The following CAMKMT variants were observed in gnomAD, a reference collection of about 807,000 sequenced individuals.
CAMKMT encodes calmodulin-lysine N-methyltransferase, also known as CaM KMT.
CAMKMT carries 53 observed loss-of-function variants against 48.0 expected under a neutral mutation model. The observed-to-expected ratio is 1.10, with a 90% CI of 0.89 to 1.39. CAMKMT has a LOEUF of 1.39. Ranked by LOEUF, CAMKMT falls within the 40% of genes most tolerant of loss-of-function variation. The probability of loss-of-function intolerance (pLI) is 0.00; values close to 1 mark genes in which losing one functional copy is unlikely to be tolerated. For synonymous variants in CAMKMT, 165 were observed against 152.3 expected (o/e 1.08, Z -0.61); for missense variants, 428 against 402.7 (o/e 1.06, Z -0.54).
At chr2:44,672,932 T>C (rs1675417653) in intron 3 of CAMKMT, among the ~76,000 whole-genome samples, 1 of 152,190 alleles carries the variant, frequency 6.6e-6, no homozygotes, top group African/African-American at 2.4e-5. Flanking sequence ...TAACTACTAA[T>C]CAAAATAAGT....
At chr2:44,646,210 C>T (rs1304687150) in intron 3 of CAMKMT, among the ~76,000 whole-genome samples, 1 of 152,122 alleles carries the variant, frequency 6.6e-6, no homozygotes, top group Non-Finnish European at 1.5e-5. Flanking sequence ...AAGCTATTAA[C>T]AGTTTAGCAT....
intron 3 of CAMKMT, among the ~76,000 whole-genome samples, chr2:44,442,628 G>A (rs1036900327): frequency 6.6e-6 from 1 of 152,094 alleles, no homozygotes; most frequent in Non-Finnish European, 1.5e-5. Context: ...TTAATTCTCT[G>A]ACCGACTTCT....
chr2:44,728,231 G>T (rs1678894264), intron 7 of CAMKMT, among the ~76,000 whole-genome samples: 1 of 152,064 alleles, frequency 6.6e-6, no homozygotes, highest in African/African-American at 2.4e-5. Flanking sequence ...TGGCTGTTTT[G>T]TGTATGTTGC....
intron 3 of CAMKMT, among the ~76,000 whole-genome samples, chr2:44,551,963 G>T (rs1245078926): frequency 6.6e-6 from 1 of 152,110 alleles, no homozygotes; most frequent in East Asian, 1.9e-4. Context: ...TGTAATATGG[G>T]TTTCTAACAT....
In CAMKMT at chr2:44,482,973, C is replaced by T. The variant is rs1669045531; in HGVS notation, c.376+92668C>T. ...AAAGTCAACATTTCTTATAAAGGCACCATCTGTATTACAAAGAATCATGAT... is the reference window on the plus strand; with the variant it reads ...AAAGTCAACATTTCTTATAAAGGCATCATCTGTATTACAAAGAATCATGAT... On this transcript the variant is annotated intron_variant, in intron 3 of 10. Coordinates refer to ENST00000378494, the MANE Select transcript of CAMKMT (RefSeq NM_024766.5). Among the ~76,000 whole-genome samples the T allele has an allele frequency of 2.6e-5, 4 of 152,206 alleles. No individual in the cohort carries two copies. In the South Asian group the frequency reaches 8.3e-4, roughly 32 times the overall value.
At chr2:44,652,705 G>C (rs761976516) in intron 3 of CAMKMT, among the ~76,000 whole-genome samples, 1 of 152,216 alleles carries the variant, frequency 6.6e-6, no homozygotes, top group Non-Finnish European at 1.5e-5. Flanking sequence ...TCCTTTAAGA[G>C]AAAAGGCGGG....
intron 3 of CAMKMT, among the ~76,000 whole-genome samples, chr2:44,518,217 A>T (rs1670929875): frequency 6.6e-6 from 1 of 152,192 alleles, no homozygotes; most frequent in South Asian, 2.1e-4. Context: ...CAAAAATACA[A>T]GTCTTGTCTC....
Position 44,754,107 on chromosome 2 carries a change from C to G in CAMKMT, c.751C>G (p.Leu251Val), listed in dbSNP as rs1207869773. The G allele has an allele frequency of 6.2e-7, 1 of 1,613,394 alleles. No individual in the cohort carries two copies. Among genetic ancestry groups the G allele is most frequent in the South Asian group, 1.1e-5 (1 of 91,080 alleles). Residue 251 changes from leucine to valine, a missense_variant, in exon 9 of 11, where the codon CTC becomes GTC. Physicochemically the swap from Leu to Val is conservative, Grantham distance 32 (BLOSUM62 1). Transcript: ENST00000378494. ...CCTTGTTGATGCAATAAAGAGATTA[C>G]TCCAGCCCAGGGTAAGTATGTTTCT... ...ASLVDAIKRLLQPRGKAMVFA... is the reference protein window; with the variant it reads ...ASLVDAIKRLVQPRGKAMVFA...
chr2:44,415,127 G>C (rs1683465451), intron 3 of CAMKMT, among the ~76,000 whole-genome samples: 1 of 152,166 alleles, frequency 6.6e-6, no homozygotes, highest in Admixed American at 6.5e-5. Flanking sequence ...CTCCAGCCTG[G>C]TGATAGAGTG....
At chr2:44,670,974 T>G (rs991194986) in intron 3 of CAMKMT, among the ~76,000 whole-genome samples, 10 of 152,192 alleles carry the variant, frequency 6.6e-5, no homozygotes, top group Non-Finnish European at 1.2e-4. Flanking sequence ...ATTGACTTTT[T>G]ACCAGGCCTT....
chr2:44,400,403 A>G (rs1396059086), intron 3 of CAMKMT, among the ~76,000 whole-genome samples: 1 of 152,132 alleles, frequency 6.6e-6, no homozygotes, highest in Non-Finnish European at 1.5e-5. Flanking sequence ...GGTAATTATT[A>G]TATGGAATGA....
chr2:44,585,645 A>T (rs1252533183), intron 3 of CAMKMT, among the ~76,000 whole-genome samples: 5 of 152,236 alleles, frequency 3.3e-5, no homozygotes, highest in Non-Finnish European at 7.3e-5. Context: ...TATAGATTAA[A>T]TGAAATGATC....
chr2:44,769,646 T>TG (rs1681018832), intron 10 of CAMKMT, among the ~76,000 whole-genome samples: 1 of 151,376 alleles, frequency 6.6e-6, no homozygotes, highest in African/African-American at 2.5e-5. Context: ...TTACATGCCG[T>TG]GGGTTTTTTT....
chr2:44,743,345 AAAGAT>A (rs1679783779), intron 7 of CAMKMT, among the ~76,000 whole-genome samples: 1 of 152,206 alleles, frequency 6.6e-6, no homozygotes, highest in South Asian at 2.1e-4. Flanking sequence ...TGACTACGGT[AAAGAT>A]AAGATATTTT....
At chr2:44,440,700 A>G (rs974785081) in intron 3 of CAMKMT, among the ~76,000 whole-genome samples, 3 of 152,182 alleles carry the variant, frequency 2.0e-5, no homozygotes, top group East Asian at 3.8e-4. Flanking sequence ...GAGTATTTCT[A>G]TCAGAAAGAT....
intron 3 of CAMKMT, among the ~76,000 whole-genome samples, chr2:44,463,057 A>G (rs1667929767): frequency 6.6e-6 from 1 of 152,236 alleles, no homozygotes; most frequent in African/African-American, 2.4e-5. Flanking sequence ...CTTCTCTGCC[A>G]GAAGGCCACA....
At chr2:44,517,418 T>C (rs990395046) in intron 3 of CAMKMT, among the ~76,000 whole-genome samples, 2 of 152,218 alleles carry the variant, frequency 1.3e-5, no homozygotes, top group African/African-American at 4.8e-5. Flanking sequence ...CAGACTCTCC[T>C]AATTTTCAAG....
At chr2:44,517,929 G>A (rs142200790) in intron 3 of CAMKMT, among the ~76,000 whole-genome samples, 182 of 152,224 alleles carry the variant, frequency 1.2e-3, no homozygotes, top group African/African-American at 4.0e-3. Context: ...TCAATACCCC[G>A]TCTCCATACA....
intron 3 of CAMKMT, among the ~76,000 whole-genome samples, chr2:44,473,086 G>C (rs746162132): frequency 9.8e-5 from 15 of 152,298 alleles, no homozygotes; most frequent in South Asian, 8.3e-4. Context: ...TTGGGTGAGA[G>C]GGGTGGAAGG....
Sources: gnomAD v4.1 joint callset for allele counts (sites outside exome capture counted in the v4.1 genomes callset) on GRCh38, gnomAD v4.1.1 for gene constraint, MANE v1.5 for transcripts, NCBI Gene and HGNC (gene_info 2026-07-23, HGNC 2026-07-21) for gene names.